Variants in SMC1B observed in about 807,000 individuals in gnomAD.
SMC1B encodes structural maintenance of chromosomes 1B.
SMC1B carries 60 observed loss-of-function variants against 157.9 expected under a neutral mutation model. The ratio of observed to expected loss-of-function variants is 0.38; its 90% CI spans 0.31 to 0.47. The LOEUF is 0.47. Among genes scored for constraint, SMC1B ranks in the 20% least tolerant of loss-of-function variants. The probability of loss-of-function intolerance (pLI) is 0.99; values close to 1 mark genes in which losing one functional copy is unlikely to be tolerated. For synonymous variants in SMC1B, 445 were observed against 483.0 expected, an observed-to-expected ratio of 0.92 and a Z score of 1.03; for missense variants, 1,165 against 1,426.2, an observed-to-expected ratio of 0.82 and a Z score of 2.95.
intron 2 of SMC1B, among the ~76,000 whole-genome samples, chr22:45,407,308 C>G (rs1392626117): frequency 6.6e-6 from 1 of 152,160 alleles, no homozygotes; most frequent in Non-Finnish European, 1.5e-5. Context: ...TTGTGGGCCC[C>G]AAGATCTTTA....
chr22:45,404,617 A>G (rs2087236813), intron 4 of SMC1B, among the ~76,000 whole-genome samples: 1 of 152,238 alleles, frequency 6.6e-6, no homozygotes, highest in Non-Finnish European at 1.5e-5. Context: ...TTTCCTTTCT[A>G]TTGATTCCAG....
chr22:45,356,690 G>A (rs1307079348), intron 19 of SMC1B, among the ~76,000 whole-genome samples: 4 of 151,554 alleles, frequency 2.6e-5, no homozygotes, highest in Admixed American at 6.6e-5. Context: ...ATCTCCCCAC[G>A]GAGTTGCTAC....
intron 9 of SMC1B, among the ~76,000 whole-genome samples, chr22:45,390,923 C>T (rs1405832758): frequency 6.6e-6 from 1 of 152,152 alleles, no homozygotes; most frequent in Non-Finnish European, 1.5e-5. Context: ...TTCAAGAATA[C>T]CATTTTCCTA....
intron 19 of SMC1B, among the ~76,000 whole-genome samples, chr22:45,356,882 A>C (rs932299117): frequency 5.9e-5 from 9 of 151,902 alleles, no homozygotes; most frequent in Non-Finnish European, 7.4e-5. Context: ...GGCACGTGCC[A>C]CTGTGCCCGG....
intron 16 of SMC1B, among the ~76,000 whole-genome samples, chr22:45,362,462 A>G (rs1247833877): frequency 6.6e-6 from 1 of 152,072 alleles, no homozygotes; most frequent in Non-Finnish European, 1.5e-5. Flanking sequence ...CCTGCTAGGG[A>G]GTCTCAACCA....
intron 5 of SMC1B, 134 bp from the exon 6 acceptor site, chr22:45,399,487 T>A: frequency 1.2e-6 from 1 of 854,788 alleles, no homozygotes; most frequent in Non-Finnish European, 1.7e-6. Context: ...AGCAGATCAA[T>A]GGTTGCCAAA....
chr22:45,388,772 T>C (rs949135372), intron 10 of SMC1B, among the ~76,000 whole-genome samples: 18 of 151,872 alleles, frequency 1.2e-4, no homozygotes, highest in Admixed American at 3.9e-4. Context: ...AGTCGGGAAT[T>C]TGAGACCAGC....
intron 9 of SMC1B, among the ~76,000 whole-genome samples, chr22:45,392,568 C>T (rs925924838): frequency 2.0e-5 from 3 of 151,388 alleles, no homozygotes; most frequent in African/African-American, 7.3e-5. Flanking sequence ...TTTACTCCTC[C>T]ATCATTATCC....
chr22:45,399,243 C>A lies in SMC1B; in HGVS notation c.965G>T (p.Ser322Ile), dbSNP rs539151128. Residue 322 changes from serine (S) to isoleucine (I), a missense_variant, in exon 6 of 25, where the codon AGC becomes ATC. By Grantham distance (142) the Ser-to-Ile change is moderately radical. Transcript: ENST00000357450. ...LDVAKKSIKDSEKQCSKQEDD... is the reference protein window; with the variant it reads ...LDVAKKSIKDIEKQCSKQEDD... Reference sequence around the variant, plus strand: ...TTCCTGTTTAGAACATTGTTTTTCGCTGTCCTTTATTGATTTCTTAGCCAC... The same window carrying A: ...TTCCTGTTTAGAACATTGTTTTTCGATGTCCTTTATTGATTTCTTAGCCAC... 8.7e-6 allele frequency: 14 copies of A among 1,614,058 alleles called. No homozygotes were observed. The highest frequency in any genetic ancestry group is 4.0e-5 in the African/African-American group (3 of 75,040).
chr22:45,345,707 TCCTC>T (rs2086544420), intron 23 of SMC1B, 138 bp from the exon 24 acceptor site: 3 of 593,736 alleles, frequency 5.1e-6, no homozygotes, highest in Non-Finnish European at 9.1e-6. Context: ...ATTCAATAAA[TCCTC>T]AACAACTGCA....
intron 19 of SMC1B, 100 bp from the exon 20 acceptor site, chr22:45,355,215 T>C: frequency 8.7e-7 from 1 of 1,153,134 alleles, no homozygotes; most frequent in Non-Finnish European, 1.3e-6. Flanking sequence ...CAGGTCCCTG[T>C]GCATCCACTC....
At chr22:45,367,738 C>A (rs911210930) in intron 15 of SMC1B, among the ~76,000 whole-genome samples, 1 of 152,170 alleles carries the variant, frequency 6.6e-6, no homozygotes, top group Non-Finnish European at 1.5e-5. Context: ...AGGGTAGTAA[C>A]CACGAGTCAG....
In SMC1B at chr22:45,406,818, C is replaced by T. The variant is rs375726035; in HGVS notation, c.346G>A (p.Val116Ile). 8 of 1,588,332 alleles carry T rather than the reference C, an allele frequency of 5.0e-6. No homozygotes were observed. Among genetic ancestry groups the T allele is most frequent in the Non-Finnish European group, 6.8e-6 (8 of 1,173,632 alleles). Reference sequence around the variant, plus strand: ...ATCTTTTCCAACTCTGCAATGTAAACAGAACGACTCACAAGATTATCATTA... The same window carrying T: ...ATCTTTTCCAACTCTGCAATGTAAATAGAACGACTCACAAGATTATCATTA... ...RFNDNLVSRS[V>I]YIAELEKIGI... The change falls in exon 3 of 25, where the codon GTT becomes ATT. Residue 116 changes from valine (V) to isoleucine (I), a missense_variant. By Grantham distance (29) the Val-to-Ile change is conservative (BLOSUM62 3). Coordinates refer to ENST00000357450, the MANE Select transcript of SMC1B (RefSeq NM_148674.5).
chr22:45,357,335 C>T (rs2086679780), intron 19 of SMC1B, among the ~76,000 whole-genome samples: 1 of 152,208 alleles, frequency 6.6e-6, no homozygotes, highest in South Asian at 2.1e-4. Context: ...GAAACAGAGC[C>T]AGAGCTGCTC....
chr22:45,401,504 G>A (rs1287312658), intron 5 of SMC1B, among the ~76,000 whole-genome samples: 3 of 152,212 alleles, frequency 2.0e-5, no homozygotes, highest in East Asian at 1.9e-4. Context: ...CAAACATGGC[G>A]CCAGCCAGGT....
intron 20 of SMC1B, 23 bp downstream of exon 20, chr22:45,354,936 T>A: frequency 6.2e-7 from 1 of 1,610,662 alleles, no homozygotes; most frequent in East Asian, 2.2e-5. Flanking sequence ...TATAATCTTG[T>A]TAGTGACTAC....
At chr22:45,393,898 C>G in intron 8 of SMC1B, 57 bp from the exon 9 acceptor site, 1 of 1,229,188 alleles carries the variant, frequency 8.1e-7, no homozygotes, top group Non-Finnish European at 1.2e-6. Flanking sequence ...TAGGAATTAC[C>G]AGGTACAACA....
chr22:45,406,942 A>C (rs2087269038), intron 2 of SMC1B, 77 bp from the exon 3 acceptor site: 2 of 1,037,722 alleles, frequency 1.9e-6, no homozygotes, highest in Non-Finnish European at 2.7e-6. Flanking sequence ...AAGTTTAATA[A>C]AATTATTTTT....
chr22:45,383,973 C>G (rs1041866721), intron 11 of SMC1B, among the ~76,000 whole-genome samples: 3 of 152,142 alleles, frequency 2.0e-5, no homozygotes, highest in Non-Finnish European at 2.9e-5. Flanking sequence ...CTCAAATGTA[C>G]AAGTGAGATA....
Sources: allele counts gnomAD v4.1 joint callset (sites outside exome capture counted in the v4.1 genomes callset), GRCh38; gene constraint gnomAD v4.1.1; transcripts MANE v1.5; gene names NCBI Gene and HGNC (gene_info 2026-07-23, HGNC 2026-07-21).